The following GAP43 variants were observed in gnomAD, a reference collection of about 807,000 sequenced individuals.
GAP43 encodes neuromodulin.
GAP43 carries 6 observed loss-of-function variants against 18.6 expected under a neutral mutation model. The ratio of observed to expected loss-of-function variants is 0.32; its 90% CI spans 0.18 to 0.64. The LOEUF (loss-of-function observed/expected upper bound fraction) is 0.64. Ranked by LOEUF, GAP43 falls within the 30% of genes least tolerant of loss-of-function variation. The pLI is 0.78. For synonymous variants in GAP43, 115 were observed against 111.4 expected, an observed-to-expected ratio of 1.03 and a Z score of -0.20; for missense variants, 292 against 295.5, an observed-to-expected ratio of 0.99 and a Z score of 0.09.
At chr3:115,677,109 C>CA (rs1436919739) in intron 2 of GAP43, among the ~76,000 whole-genome samples, 1 of 152,154 alleles carries the variant, frequency 6.6e-6, no homozygotes. Context: ...TCTCAGACCA[C>CA]CCTTCCCTAT....
In GAP43 at chr3:115,628,485, C is replaced by G. The variant is rs982447895; in HGVS notation, c.30+4766C>G. Among the ~76,000 whole-genome samples the G allele has an allele frequency of 2.0e-5, 3 of 152,072 alleles. No individual in the cohort carries two copies. The South Asian group carries it at 6.2e-4, about 32-fold the overall frequency. On this transcript the variant is annotated intron_variant, in intron 1 of 2. Coordinates refer to ENST00000305124, the MANE Select transcript of GAP43 (RefSeq NM_002045.4). ...CTTCACTCCCCATTCACTATTCCAT[C>G]TAGTTTAATTTGGCTTTGATTTTCA...
At chr3:115,719,429 A>G (rs1158191841) in intron 2 of GAP43, among the ~76,000 whole-genome samples, 1 of 152,178 alleles carries the variant, frequency 6.6e-6, no homozygotes, top group African/African-American at 2.4e-5. Flanking sequence ...AAATCATAGT[A>G]CAAACAATGT....
At chr3:115,628,129 C>T (rs1708214529) in intron 1 of GAP43, among the ~76,000 whole-genome samples, 1 of 151,958 alleles carries the variant, frequency 6.6e-6, no homozygotes, top group Non-Finnish European at 1.5e-5. Flanking sequence ...CTTAGAGGCC[C>T]CAGTTTTGCA....
At chr3:115,655,809 C>A (rs1373508380) in intron 1 of GAP43, among the ~76,000 whole-genome samples, 3 of 152,308 alleles carry the variant, frequency 2.0e-5, no homozygotes, top group African/African-American at 7.2e-5. Context: ...TAAACTATTT[C>A]TTTTAAGCTA....
chr3:115,661,386 C>G (rs1708657060), intron 1 of GAP43: 1 of 152,284 alleles, frequency 6.6e-6, no homozygotes, highest in Non-Finnish European at 1.5e-5. Flanking sequence ...AGAGGTTCTT[C>G]TAAGGCAGGC....
intron 1 of GAP43, among the ~76,000 whole-genome samples, chr3:115,642,783 G>A (rs1273071961): frequency 6.6e-6 from 1 of 152,034 alleles, no homozygotes; most frequent in Non-Finnish European, 1.5e-5. Context: ...ACTTGTTATT[G>A]TTGATGCTGT....
intron 2 of GAP43, among the ~76,000 whole-genome samples, chr3:115,706,129 A>G (rs921067180): frequency 1.3e-5 from 2 of 152,102 alleles, no homozygotes; most frequent in Admixed American, 6.6e-5. Context: ...CCTTCATCAT[A>G]TGCCTGTCCC....
intron 2 of GAP43, among the ~76,000 whole-genome samples, chr3:115,688,668 T>C (rs1709065408): frequency 6.6e-6 from 1 of 152,158 alleles, no homozygotes; most frequent in Non-Finnish European, 1.5e-5. Flanking sequence ...CTTATTTAAC[T>C]CCGCGGACTG....
intron 1 of GAP43, among the ~76,000 whole-genome samples, chr3:115,646,732 A>C (rs537985422): frequency 6.6e-6 from 1 of 152,058 alleles, no homozygotes; most frequent in East Asian, 1.9e-4. Flanking sequence ...AGAAGACATA[A>C]TTAGAATGGA....
chr3:115,625,723 G>A (rs941148522), intron 1 of GAP43, among the ~76,000 whole-genome samples: 8 of 152,136 alleles, frequency 5.3e-5, no homozygotes, highest in Admixed American at 2.6e-4. Context: ...CTTCCCTGGG[G>A]CTCTATCTCA....
At chr3:115,648,892 T>C (rs1438290658) in intron 1 of GAP43, among the ~76,000 whole-genome samples, 1 of 152,138 alleles carries the variant, frequency 6.6e-6, no homozygotes, top group Non-Finnish European at 1.5e-5. Context: ...AGGATGACAA[T>C]GGAGAATAGA....
At chr3:115,699,127 G>C (rs1044070364) in intron 2 of GAP43, among the ~76,000 whole-genome samples, 3 of 152,132 alleles carry the variant, frequency 2.0e-5, no homozygotes, top group African/African-American at 7.2e-5. Context: ...AAGTACTTTG[G>C]CATTGGCAGG....
intron 2 of GAP43, among the ~76,000 whole-genome samples, chr3:115,714,714 T>G (rs1439433122): frequency 6.6e-6 from 1 of 152,014 alleles, no homozygotes; most frequent in Non-Finnish European, 1.5e-5. Context: ...TATTGTTTTT[T>G]TTTTTTAGAC....
At chr3:115,652,212 A>C (rs537381507) in intron 1 of GAP43, among the ~76,000 whole-genome samples, 1 of 152,170 alleles carries the variant, frequency 6.6e-6, no homozygotes, top group African/African-American at 2.4e-5. Flanking sequence ...CGCTCATTTA[A>C]TTCTGAAGAT....
intron 2 of GAP43, among the ~76,000 whole-genome samples, chr3:115,719,229 C>A (rs2107382390): frequency 6.6e-6 from 1 of 151,820 alleles, no homozygotes; most frequent in African/African-American, 2.4e-5. Flanking sequence ...ACAATAGCTC[C>A]ATTTTAAGAC....
chr3:115,686,465 G>A (rs528410147), intron 2 of GAP43, among the ~76,000 whole-genome samples: 1 of 152,108 alleles, frequency 6.6e-6, no homozygotes, highest in Non-Finnish European at 1.5e-5. Context: ...TTTGTACATT[G>A]TCCTCAAAAT....
intron 1 of GAP43, among the ~76,000 whole-genome samples, chr3:115,653,920 T>C (rs991709760): frequency 1.3e-5 from 2 of 152,020 alleles, no homozygotes; most frequent in African/African-American, 4.8e-5. Context: ...AAAAAAAAAA[T>C]TAGCCCTAAT....
intron 1 of GAP43, among the ~76,000 whole-genome samples, chr3:115,671,760 C>G (rs1250814789): frequency 2.0e-5 from 3 of 152,172 alleles, no homozygotes; most frequent in Non-Finnish European, 4.4e-5. Flanking sequence ...CTAAATCTAT[C>G]TTTAGTGACA....
chr3:115,713,794 C>T (rs980258668), intron 2 of GAP43, among the ~76,000 whole-genome samples: 1 of 152,218 alleles, frequency 6.6e-6, no homozygotes, highest in African/African-American at 2.4e-5. Context: ...GCAGAGATAA[C>T]TTAGATCTTT....
Sources: gnomAD v4.1 joint callset for allele counts (sites outside exome capture counted in the v4.1 genomes callset) on GRCh38, gnomAD v4.1.1 for gene constraint, MANE v1.5 for transcripts, NCBI Gene and HGNC (gene_info 2026-07-23, HGNC 2026-07-21) for gene names.